The following MPHOSPH9 variants were observed in gnomAD, a reference collection of about 807,000 sequenced individuals.
The protein encoded by MPHOSPH9 is M-phase phosphoprotein 9.
In MPHOSPH9, 88 loss-of-function variants were observed where a neutral mutation model predicts 145.5. That is an observed-to-expected ratio of 0.60 (90% confidence interval 0.51 to 0.72). The LOEUF (loss-of-function observed/expected upper bound fraction) is 0.72. MPHOSPH9 is among the 30% of genes least tolerant of loss of function. The probability of loss-of-function intolerance (pLI) is 0.00; values close to 1 mark genes in which losing one functional copy is unlikely to be tolerated. For missense variants in MPHOSPH9, 1,238 were observed against 1,386.6 expected (o/e 0.89, Z 1.70); for synonymous variants, 435 against 486.2 (o/e 0.89, Z 1.39).
At chr12:123,171,783 T>G (rs2044594400) in intron 16 of MPHOSPH9, among the ~76,000 whole-genome samples, 1 of 151,286 alleles carries the variant, frequency 6.6e-6, no homozygotes, top group Admixed American at 6.6e-5. Flanking sequence ...AAACATATAT[T>G]ATATATATAT....
chr12:123,221,743 G>T lies in MPHOSPH9; in HGVS notation c.501C>A (p.Ile167=). The T allele has an allele frequency of 6.2e-7, 1 of 1,614,102 alleles. No individual in the cohort carries two copies. The highest frequency in any genetic ancestry group is 1.3e-5 in the African/African-American group (1 of 75,026). ...SLSSERNESV[I]HYPESTEPEI... is the part of the protein sequence containing the mutation. Reference sequence around the variant, plus strand: ...CAGGTTCTGTGGATTCAGGATAATGGATAACAGATTCATTTCTCTCACTGC... The same window carrying T: ...CAGGTTCTGTGGATTCAGGATAATGTATAACAGATTCATTTCTCTCACTGC... Residue 167 remains isoleucine (I), a synonymous_variant, in exon 5 of 24, where the codon ATC becomes ATA. Coordinates refer to ENST00000606320, the MANE Select transcript of MPHOSPH9 (RefSeq NM_022782.4).
upstream of MPHOSPH9, among the ~76,000 whole-genome samples, chr12:123,237,130 T>G (rs1173198977): frequency 6.6e-6 from 1 of 151,076 alleles, no homozygotes; most frequent in Non-Finnish European, 1.5e-5. Context: ...AGCACAGGTG[T>G]AATTCTGTGG....
At chr12:123,209,972 A>T in intron 8 of MPHOSPH9, 84 bp downstream of exon 8, 2 of 808,324 alleles carry the variant, frequency 2.5e-6, no homozygotes. Flanking sequence ...TCCTGACCTC[A>T]TGATCCGCCC....
In MPHOSPH9 at chr12:123,230,540, A is replaced by G. The variant is rs1040020679; in HGVS notation, c.-158-18T>C. On this transcript the variant is annotated intron_variant, in intron 1 of 23. Coordinates refer to ENST00000606320, the MANE Select transcript of MPHOSPH9 (RefSeq NM_022782.4). ...AAGAGAGTCTGAAAATGAATGGGGG[A>G]AAAAAATACTACTATAAAAAGCCAC... 10 of 440,660 alleles carry G rather than the reference A, an allele frequency of 2.3e-5. No individual in the cohort carries two copies. Among genetic ancestry groups the G allele is most frequent in the East Asian group, 1.8e-4 (5 of 27,468 alleles). The allele number at this position is 440,660 out of a possible 1,614,324, so 27.3% of individuals were successfully genotyped here. A position where few individuals can be genotyped will look rare whatever the true frequency, so the allele number is the denominator to read the frequency against.
chr12:123,164,543 G>A (rs1478597117), intron 18 of MPHOSPH9, among the ~76,000 whole-genome samples: 1 of 152,190 alleles, frequency 6.6e-6, no homozygotes, highest in African/African-American at 2.4e-5. Context: ...CAGTATTAAA[G>A]ACACTACTTG....
At position 123,203,235 on chromosome 12, in the gene MPHOSPH9, T is replaced by C. The variant is rs1281356873; in HGVS notation, c.1320+15A>G. 6.2e-7 allele frequency: 1 copy of C among 1,610,840 alleles called. No homozygotes were observed. Among genetic ancestry groups the C allele is most frequent in the East Asian group, 2.2e-5 (1 of 44,880 alleles). ...CATTGTTCACGTTCACTCGGCAGAA[T>C]GTGGACAACTTTACCTCTGGTGGAT... On this transcript the variant is annotated intron_variant, in intron 9 of 23. Transcript: ENST00000606320.
intron 7 of MPHOSPH9, among the ~76,000 whole-genome samples, chr12:123,212,711 CAAAA>C (rs542748087): frequency 4.3e-5 from 2 of 46,502 alleles, no homozygotes; most frequent in African/African-American, 9.1e-5. Flanking sequence ...AACTCTGTCT[CAAAA>C]AAAAAAAAAA....
chr12:123,209,008 C>G (rs2046575671), intron 8 of MPHOSPH9, among the ~76,000 whole-genome samples: 1 of 152,156 alleles, frequency 6.6e-6, no homozygotes, highest in African/African-American at 2.4e-5. Flanking sequence ...TCTTGGCTCA[C>G]TGCAATCTCC....
intron 2 of MPHOSPH9, among the ~76,000 whole-genome samples, chr12:123,229,467 A>G (rs1222045263): frequency 6.6e-6 from 1 of 152,214 alleles, no homozygotes; most frequent in Non-Finnish European, 1.5e-5. Flanking sequence ...TGCATAAAAC[A>G]CACTTTGATA....
intron 1 of MPHOSPH9, among the ~76,000 whole-genome samples, chr12:123,242,564 T>C (rs1034034709): frequency 2.0e-5 from 3 of 152,172 alleles, no homozygotes; most frequent in African/African-American, 7.2e-5. Context: ...CTCCAGGAGA[T>C]ACTAAAAGTG....
intron 8 of MPHOSPH9, among the ~76,000 whole-genome samples, chr12:123,204,632 T>C (rs1012193987): frequency 3.9e-5 from 6 of 152,214 alleles, no homozygotes; most frequent in Non-Finnish European, 8.8e-5. Flanking sequence ...CCCAGCGCTT[T>C]GGGAGGCCAA....
chr12:123,201,714 T>C (rs967029818), intron 11 of MPHOSPH9, among the ~76,000 whole-genome samples: 5 of 152,170 alleles, frequency 3.3e-5, no homozygotes, highest in African/African-American at 1.2e-4. Flanking sequence ...TTGCAAGGAC[T>C]CTACTACTAA....
chr12:123,206,056 G>A (rs2046413690), intron 8 of MPHOSPH9, among the ~76,000 whole-genome samples: 1 of 152,042 alleles, frequency 6.6e-6, no homozygotes, highest in South Asian at 2.1e-4. Flanking sequence ...AAAGCAGAAA[G>A]GCCTTTCTAT....
chr12:123,218,901 GTTT>G (rs2047081913), intron 5 of MPHOSPH9, among the ~76,000 whole-genome samples: 1 of 151,288 alleles, frequency 6.6e-6, no homozygotes, highest in Non-Finnish European at 1.5e-5. Flanking sequence ...GTTTTTGTTT[GTTT>G]GTTTGTTTGT....
intron 8 of MPHOSPH9, 147 bp downstream of exon 8, chr12:123,209,909 T>C: frequency 2.3e-6 from 1 of 430,356 alleles, no homozygotes; most frequent in Non-Finnish European, 4.1e-6. Flanking sequence ...GCTAATTTTT[T>C]GTATTTTTAG....
At chr12:123,185,552 A>G (rs549097731) in intron 13 of MPHOSPH9, among the ~76,000 whole-genome samples, 1 of 152,178 alleles carries the variant, frequency 6.6e-6, no homozygotes, top group East Asian at 1.9e-4. Flanking sequence ...GAGACCAGCA[A>G]GAGCAACATA....
intron 6 of MPHOSPH9, among the ~76,000 whole-genome samples, chr12:123,216,825 C>T (rs2046982528): frequency 6.6e-6 from 1 of 151,984 alleles, no homozygotes; most frequent in African/African-American, 2.4e-5. Flanking sequence ...CCCATCTCTA[C>T]TAAAAATACA....
intron 7 of MPHOSPH9, among the ~76,000 whole-genome samples, chr12:123,212,693 A>G: frequency 7.5e-6 from 1 of 134,168 alleles, no homozygotes; most frequent in African/African-American, 2.6e-5. Flanking sequence ...CCTGGGCAAC[A>G]AGAGCAAAAC....
chr12:123,243,634 G>A (rs1281571489), intron 1 of MPHOSPH9, among the ~76,000 whole-genome samples: 3 of 152,132 alleles, frequency 2.0e-5, no homozygotes, highest in Non-Finnish European at 4.4e-5. Context: ...GAACCCAGGA[G>A]GCGGAGGTTG....
Sources: gnomAD v4.1 joint callset for allele counts (sites outside exome capture counted in the v4.1 genomes callset) on GRCh38, gnomAD v4.1.1 for gene constraint, MANE v1.5 for transcripts, NCBI Gene and HGNC (gene_info 2026-07-23, HGNC 2026-07-21) for gene names.